Variants in SCRN3 observed in about 807,000 individuals in gnomAD.
SCRN3 encodes the protein secernin-3.
Under a neutral mutation model 43.1 loss-of-function variants are expected in SCRN3, and 39 were observed. That is an observed-to-expected ratio of 0.91 (90% confidence interval 0.70 to 1.18). The LOEUF (loss-of-function observed/expected upper bound fraction) is 1.18, where lower values mean the gene tolerates loss of function less well. Among genes scored for constraint, SCRN3 ranks in the 50% most tolerant of loss-of-function variants. The probability of loss-of-function intolerance (pLI) is 0.00; values close to 1 mark genes in which losing one functional copy is unlikely to be tolerated. For missense variants in SCRN3, 484 were observed against 498.0 expected (o/e 0.97, Z 0.27); for synonymous variants, 147 against 163.1 (o/e 0.90, Z 0.75).
At chr2:174,422,505 CAG>C (rs747764731) in intron 5 of SCRN3, among the ~76,000 whole-genome samples, 7 of 147,670 alleles carry the variant, frequency 4.7e-5, no homozygotes, top group Non-Finnish European at 1.0e-4. Flanking sequence ...ACCCAGGAGA[CAG>C]AGATTGCAGT....
intron 5 of SCRN3, among the ~76,000 whole-genome samples, chr2:174,412,937 A>C (rs1477593733): frequency 7.5e-6 from 1 of 133,540 alleles, no homozygotes; most frequent in Non-Finnish European, 1.5e-5. Context: ...GCGCGATCTC[A>C]GCTCACCACA....
chr2:174,422,325 C>T (rs1686319364), intron 5 of SCRN3, among the ~76,000 whole-genome samples: 1 of 152,146 alleles, frequency 6.6e-6, no homozygotes, highest in Non-Finnish European at 1.5e-5. Context: ...GTAATCCCAG[C>T]ACTTCGGGAG....
Position 174,404,236 on chromosome 2 carries a change from T to C in SCRN3, c.675T>C (p.Tyr225=), listed in dbSNP as rs1284434864. 1 of 1,613,906 alleles carries C rather than the reference T, an allele frequency of 6.2e-7. No individual in the cohort carries two copies. The highest frequency in any genetic ancestry group is 1.1e-5 in the South Asian group (1 of 91,082). The change falls in exon 5 of 8, where the codon TAT becomes TAC. Residue 225 remains tyrosine (Y), a synonymous_variant. Coordinates refer to ENST00000272732, the MANE Select transcript of SCRN3 (RefSeq NM_024583.5). ...GKKEFDFAAA[Y]SYLDTAKMMT... Reference sequence around the variant, plus strand: ...AGGAGTTTGATTTTGCTGCAGCATATTCCTATCTTGACACAGCCAAGATGA... The same window carrying C: ...AGGAGTTTGATTTTGCTGCAGCATACTCCTATCTTGACACAGCCAAGATGA...
chr2:174,400,949 G>GA (rs749354678), intron 3 of SCRN3, 41 bp from the exon 4 acceptor site: 13 of 1,413,622 alleles, frequency 9.2e-6, no homozygotes, highest in Non-Finnish European at 1.0e-5. Context: ...AAAAATAATG[G>GA]AAATTTATTT....
rs186872776 is a variant in SCRN3 at position 174,400,639 on chromosome 2, A to G, written c.342-351A>G. On this transcript the variant is annotated intron_variant, in intron 3 of 7. Transcript: ENST00000272732. The stretch of plus-strand genomic sequence containing the variant: ...GGGAGAAGGGAAGAAGTAGGAAATT[A>G]TAATTCATTGGAAGTACCTAACATA... Among the ~76,000 whole-genome samples the G allele has an allele frequency of 2.1e-3, 326 of 152,312 alleles. 1 individual carries two copies. The highest frequency in any genetic ancestry group is 2.6e-3 in the Non-Finnish European group (176 of 68,026).
In SCRN3 at chr2:174,408,777, A is replaced by T. The variant is rs1420114430; in HGVS notation, c.754+4462A>T. ...AAAATTCTTTTGTTTAAGAATGTTG[A>T]ATATTGGCCCCCACTCTCTTCTGGC... On this transcript the variant is annotated intron_variant, in intron 5 of 7. Coordinates refer to ENST00000272732, the MANE Select transcript of SCRN3 (RefSeq NM_024583.5). Among the ~76,000 whole-genome samples the T allele has an allele frequency of 8.9e-3, 1,234 of 138,834 alleles. 23 individuals are homozygous for T. The highest frequency in any genetic ancestry group is 0.031 in the African/African-American group (1,169 of 37,238). The allele number at this position is 138,834 out of a possible 152,430, so 91.1% of individuals were successfully genotyped here. A position where few individuals can be genotyped will look rare whatever the true frequency, so the allele number is the denominator to read the frequency against.
chr2:174,402,868 G>C (rs1015707246), intron 4 of SCRN3, among the ~76,000 whole-genome samples: 1 of 151,804 alleles, frequency 6.6e-6, no homozygotes, highest in African/African-American at 2.4e-5. Flanking sequence ...AAACATTATC[G>C]ATTTTTGTTT....
intron 5 of SCRN3, chr2:174,410,289 GT>G (rs1685868046): frequency 6.6e-6 from 1 of 150,674 alleles, no homozygotes; most frequent in Non-Finnish European, 1.5e-5. Flanking sequence ...CGCTTCCCAG[GT>G]GAGGCAATGC....
At chr2:174,413,075 T>C (rs1402126070) in intron 5 of SCRN3, among the ~76,000 whole-genome samples, 2 of 151,750 alleles carry the variant, frequency 1.3e-5, no homozygotes, top group Non-Finnish European at 2.9e-5. Flanking sequence ...TTTCTCCATG[T>C]TGGTCAGGCT....
At chr2:174,409,880 T>C (rs1379970375) in intron 5 of SCRN3, among the ~76,000 whole-genome samples, 4 of 139,546 alleles carry the variant, frequency 2.9e-5, no homozygotes, top group Non-Finnish European at 4.8e-5. Flanking sequence ...GACAGGGACA[T>C]TTAAGTCTGT....
chr2:174,402,956 T>A (rs1362773758), intron 4 of SCRN3, among the ~76,000 whole-genome samples: 8 of 152,136 alleles, frequency 5.3e-5, no homozygotes, highest in Non-Finnish European at 8.8e-5. Context: ...TTGAAAACTT[T>A]GTTTATAGCT....
chr2:174,400,170 T>G, intron 3 of SCRN3, 67 bp downstream of exon 3: 1 of 1,195,958 alleles, frequency 8.4e-7, no homozygotes, highest in Non-Finnish European at 1.2e-6. Context: ...TAACTCTTAC[T>G]TGTTTTATTT....
chr2:174,429,807 C>T (rs1024702240), downstream of SCRN3, among the ~76,000 whole-genome samples: 1 of 152,146 alleles, frequency 6.6e-6, no homozygotes, highest in African/African-American at 2.4e-5. Context: ...CCCCTGGCAA[C>T]CACTGATCTT....
chr2:174,395,941 C>G (rs1685289969), intron 1 of SCRN3, 124 bp downstream of exon 1: 2 of 1,408,942 alleles, frequency 1.4e-6, no homozygotes, highest in Admixed American at 6.3e-5. Flanking sequence ...GCGGTTTGAG[C>G]GCCCAGGGCC....
At chr2:174,400,232 A>G (rs1685459863) in intron 3 of SCRN3, 129 bp downstream of exon 3, 2 of 620,896 alleles carry the variant, frequency 3.2e-6, no homozygotes, top group Non-Finnish European at 5.3e-6. Flanking sequence ...AAAATGGTTT[A>G]AAGTACCGGC....
At chr2:174,396,090 C>A in intron 1 of SCRN3, 1 of 1,115,396 alleles carries the variant, frequency 9.0e-7, no homozygotes, top group South Asian at 3.8e-5. Context: ...GATAATAATT[C>A]CGGCCCTAAC....
chr2:174,426,000 TTTTG>T (rs1200205683), intron 7 of SCRN3, among the ~76,000 whole-genome samples: 1 of 152,218 alleles, frequency 6.6e-6, no homozygotes, highest in East Asian at 1.9e-4. Flanking sequence ...TTTGGGTTAT[TTTTG>T]TTTTTTGGTT....
chr2:174,412,517 C>T lies in SCRN3; in HGVS notation c.754+8202C>T, dbSNP rs75649438. 2.0e-3 allele frequency among the ~76,000 whole-genome samples: 300 copies of T among 152,266 alleles called. 7 individuals are homozygous for T. The South Asian group carries it at 0.039, about 20-fold the overall frequency. On this transcript the variant is annotated intron_variant, in intron 5 of 7. Transcript: ENST00000272732. ...CTCTCCCATCTAGAGGAATTGTGGT[C>T]CAAATACCACAGGAGAAATTCTGTT...
At chr2:174,398,941 G>A (rs1685415849) in intron 2 of SCRN3, among the ~76,000 whole-genome samples, 1 of 152,088 alleles carries the variant, frequency 6.6e-6, no homozygotes, top group Non-Finnish European at 1.5e-5. Flanking sequence ...ATGTAGAATA[G>A]GAAAGTCATC....
Sources: allele counts gnomAD v4.1 joint callset (sites outside exome capture counted in the v4.1 genomes callset), GRCh38; gene constraint gnomAD v4.1.1; transcripts MANE v1.5; gene names NCBI Gene and HGNC (gene_info 2026-07-23, HGNC 2026-07-21).